The following RBM20 variants were observed in gnomAD, a reference collection of about 807,000 sequenced individuals.
RBM20 encodes the protein RNA-binding protein 20.
Under a neutral mutation model 110.1 loss-of-function variants are expected in RBM20, and 51 were observed. The observed-to-expected ratio is 0.46, with a 90% confidence interval of 0.37 to 0.59. The LOEUF (loss-of-function observed/expected upper bound fraction) is 0.59, where lower values mean the gene tolerates loss of function less well. RBM20 is among the 20% of genes least tolerant of loss of function. RBM20 has a pLI of 0.00. For synonymous variants in RBM20, 589 were observed against 618.2 expected, an observed-to-expected ratio of 0.95 and a Z score of 0.70; for missense variants, 1,512 against 1,574.9, an observed-to-expected ratio of 0.96 and a Z score of 0.68.
chr10:110,786,031 C>T (rs1844414889), intron 5 of RBM20, among the ~76,000 whole-genome samples: 1 of 152,148 alleles, frequency 6.6e-6, no homozygotes, highest in South Asian at 2.1e-4. Flanking sequence ...ACATTTTCGT[C>T]CTCCAAAGCT....
chr10:110,737,858 T>C (rs142983307), intron 1 of RBM20, among the ~76,000 whole-genome samples: 170 of 152,322 alleles, frequency 1.1e-3, no homozygotes, highest in African/African-American at 3.7e-3. Flanking sequence ...AGAATGTTGC[T>C]GTGAACATTT....
At chr10:110,683,919 T>C (rs1862459500) in intron 1 of RBM20, among the ~76,000 whole-genome samples, 2 of 152,184 alleles carry the variant, frequency 1.3e-5, no homozygotes, top group South Asian at 4.1e-4. Context: ...TGGAAGATAA[T>C]GGAAGAAAAA....
chr10:110,789,248 C>A (rs1238301602), intron 5 of RBM20, among the ~76,000 whole-genome samples: 3 of 152,148 alleles, frequency 2.0e-5, no homozygotes, highest in Non-Finnish European at 4.4e-5. Context: ...TGGAAATGAG[C>A]CTTCAGATTA....
At chr10:110,790,808 T>G (rs1036258902) in intron 5 of RBM20, among the ~76,000 whole-genome samples, 11 of 151,890 alleles carry the variant, frequency 7.2e-5, no homozygotes, top group African/African-American at 2.7e-4. Context: ...GATTGATAGG[T>G]TTTTTTTCAG....
chr10:110,710,920 G>C (rs1408923738), intron 1 of RBM20, among the ~76,000 whole-genome samples: 1 of 152,132 alleles, frequency 6.6e-6, no homozygotes, highest in African/African-American at 2.4e-5. Context: ...GAACCAGAAG[G>C]CTCCTACATG....
In RBM20 at chr10:110,797,572, C is replaced by A; in HGVS notation, c.1592C>A (p.Thr531Asn). The A allele has an allele frequency of 6.4e-7, 1 of 1,551,674 alleles. No homozygotes were observed. Among genetic ancestry groups the A allele is most frequent in the Non-Finnish European group, 8.7e-7 (1 of 1,146,968 alleles). ...TGCAATCTCCCTGAAGGAAGCTGCA[C>A]TGAGAATGACGTCATTAACCTGGGG... ...HICNLPEGSC[T>N]ENDVINLGLP... Residue 531 changes from threonine to asparagine, a missense_variant, in exon 6 of 14, where the codon ACT (threonine) becomes AAT (asparagine). Around this residue, in one of 3 missense-constraint regions of RBM20, gnomAD observed 1,149 missense variants for 1,169.4 expected, o/e 0.98. Transcript: ENST00000369519.
chr10:110,757,967 T>C (rs1214428042), intron 1 of RBM20, among the ~76,000 whole-genome samples: 2 of 150,800 alleles, frequency 1.3e-5, no homozygotes, highest in Non-Finnish European at 3.0e-5. Flanking sequence ...GATACTGTCA[T>C]AGGCATAGGG....
intron 1 of RBM20, among the ~76,000 whole-genome samples, chr10:110,747,298 G>T (rs968982289): frequency 2.4e-4 from 33 of 138,790 alleles, no homozygotes; most frequent in East Asian, 1.2e-3. Context: ...TCTTTTTTTG[G>T]GGGGGGGGGT....
Position 110,794,087 on chromosome 10 carries a change from C to G in RBM20, c.1528-3421C>G, listed in dbSNP as rs186065287. 5.8e-3 allele frequency among the ~76,000 whole-genome samples: 889 copies of G among 152,268 alleles called. 5 individuals are homozygous for G. The highest frequency in any genetic ancestry group is 8.5e-3 in the Non-Finnish European group (576 of 68,022). The stretch of plus-strand genomic sequence containing the variant: ...CAGGGACCTCACTCCGCCTGTTTCC[C>G]TTCTCACTTTCCTCCTTCGCTCCCT... On this transcript the variant is annotated intron_variant, in intron 5 of 13. Coordinates refer to ENST00000369519, the MANE Select transcript of RBM20 (RefSeq NM_001134363.3).
rs151058335 is a variant in RBM20, at chr10:110,696,729, A to T, written c.191+52084A>T. ...CAGCAGGGTAAAGAGAGGGAGAGCC[A>T]AAGGGAATTTGAGGCTGAAGGAGCA... On this transcript the variant is annotated intron_variant, in intron 1 of 13. Transcript: ENST00000369519. Among the ~76,000 whole-genome samples the T allele has an allele frequency of 5.9e-3, 895 of 152,320 alleles. 4 individuals are homozygous for T. Among genetic ancestry groups the T allele is most frequent in the Non-Finnish European group, 9.3e-3 (630 of 68,026 alleles).
At chr10:110,755,349 G>T (rs1238970553) in intron 1 of RBM20, among the ~76,000 whole-genome samples, 2 of 152,070 alleles carry the variant, frequency 1.3e-5, no homozygotes, top group Non-Finnish European at 2.9e-5. Context: ...AATCATCCTC[G>T]AGTCTCTTTA....
intron 1 of RBM20, among the ~76,000 whole-genome samples, chr10:110,666,372 G>A (rs994108905): frequency 6.6e-6 from 1 of 152,202 alleles, no homozygotes; most frequent in Non-Finnish European, 1.5e-5. Flanking sequence ...GCTGGGTGCA[G>A]TGGCTCATGC....
At chr10:110,679,472 CA>C (rs1287409843) in intron 1 of RBM20, among the ~76,000 whole-genome samples, 4 of 152,188 alleles carry the variant, frequency 2.6e-5, no homozygotes, top group Non-Finnish European at 5.9e-5. Flanking sequence ...CCTCCTGCCT[CA>C]CCCTCCTAAA....
intron 1 of RBM20, among the ~76,000 whole-genome samples, chr10:110,729,082 A>G (rs1843593826): frequency 6.6e-6 from 1 of 152,212 alleles, no homozygotes; most frequent in African/African-American, 2.4e-5. Flanking sequence ...TGTTGCTGCA[A>G]CCATGACAGC....
intron 1 of RBM20, among the ~76,000 whole-genome samples, chr10:110,725,016 T>G (rs564933354): frequency 2.8e-4 from 42 of 152,302 alleles, no homozygotes; most frequent in African/African-American, 9.9e-4. Flanking sequence ...AAGTGGACTG[T>G]GATAAACACT....
intron 1 of RBM20, among the ~76,000 whole-genome samples, chr10:110,678,288 C>T (rs768791623): frequency 3.3e-5 from 5 of 152,164 alleles, no homozygotes; most frequent in Non-Finnish European, 7.3e-5. Context: ...GTTTAGGTGT[C>T]AAGGCATTTA....
chr10:110,780,109 A>G (rs1289515723), intron 1 of RBM20, among the ~76,000 whole-genome samples: 4 of 152,194 alleles, frequency 2.6e-5, no homozygotes, highest in Non-Finnish European at 5.9e-5. Flanking sequence ...TCGTATTGGA[A>G]TGCTCTCTGT....
chr10:110,691,300 C>T (rs1415876132), intron 1 of RBM20, among the ~76,000 whole-genome samples: 2 of 152,168 alleles, frequency 1.3e-5, no homozygotes, highest in Admixed American at 6.5e-5. Flanking sequence ...TATAGCACCT[C>T]GAATTGACTA....
chr10:110,829,960 C>G (rs1039767750), intron 12 of RBM20, among the ~76,000 whole-genome samples: 6 of 152,258 alleles, frequency 3.9e-5, no homozygotes, highest in African/African-American at 1.4e-4. Flanking sequence ...CATCACCCCT[C>G]TTTCTTAGTT....
Sources: gnomAD v4.1 joint callset for allele counts (sites outside exome capture counted in the v4.1 genomes callset) on GRCh38, gnomAD v4.1.1 for gene constraint, gnomAD v4.1.1 regional missense constraint, MANE v1.5 for transcripts, NCBI Gene and HGNC (gene_info 2026-07-23, HGNC 2026-07-21) for gene names.